Variants in SMAP1 observed in about 807,000 individuals in gnomAD.
SMAP1 encodes the protein small ArfGAP 1.
SMAP1 carries 24 observed loss-of-function variants against 58.5 expected under a neutral mutation model. The observed-to-expected ratio is 0.41, with a 90% CI of 0.30 to 0.58. The LOEUF (loss-of-function observed/expected upper bound fraction) is 0.58, where lower values mean the gene tolerates loss of function less well. Ranked by LOEUF, SMAP1 falls within the 20% of genes least tolerant of loss-of-function variation. The pLI, the probability that SMAP1 is intolerant of heterozygous loss-of-function variation, is 0.29. For synonymous variants in SMAP1, 216 were observed against 196.6 expected, an observed-to-expected ratio of 1.10 and a Z score of -0.82; for missense variants, 563 against 566.3, an observed-to-expected ratio of 0.99 and a Z score of 0.06.
intron 1 of SMAP1, among the ~76,000 whole-genome samples, chr6:70,675,156 A>C (rs1282528756): frequency 1.1e-4 from 17 of 149,686 alleles, no homozygotes; most frequent in African/African-American, 3.9e-4. Context: ...AAAAAAAAAA[A>C]GCAAATAATA....
At chr6:70,853,896 C>T (rs957401970) in intron 8 of SMAP1, among the ~76,000 whole-genome samples, 2 of 152,200 alleles carry the variant, frequency 1.3e-5, no homozygotes, top group African/African-American at 4.8e-5. Context: ...TATTTTTAGT[C>T]TAGCATTGTA....
chr6:70,835,601 G>A (rs1287736091), intron 6 of SMAP1, among the ~76,000 whole-genome samples: 1 of 152,046 alleles, frequency 6.6e-6, no homozygotes, highest in African/African-American at 2.4e-5. Context: ...TGACCTCCTG[G>A]GCTCAACCAA....
At chr6:70,701,022 G>T (rs1016049451) in intron 1 of SMAP1, among the ~76,000 whole-genome samples, 1 of 152,108 alleles carries the variant, frequency 6.6e-6, no homozygotes, top group Non-Finnish European at 1.5e-5. Flanking sequence ...AGGCAAAGTC[G>T]TCTTTACCCT....
At chr6:70,758,610 A>G (rs1304397912) in intron 3 of SMAP1, among the ~76,000 whole-genome samples, 2 of 152,110 alleles carry the variant, frequency 1.3e-5, no homozygotes, top group East Asian at 3.9e-4. Flanking sequence ...TGTAAGGAAG[A>G]ATAGTTGGAG....
intron 7 of SMAP1, among the ~76,000 whole-genome samples, chr6:70,841,640 G>A (rs761340198): frequency 1.3e-5 from 2 of 152,110 alleles, no homozygotes; most frequent in African/African-American, 2.4e-5. Flanking sequence ...GGAGAAGTAG[G>A]TAGAGATTCC....
In SMAP1 at chr6:70,860,422, T is replaced by A. The variant is rs1391012718; in HGVS notation, c.*88T>A. On this transcript the variant is annotated 3_prime_UTR_variant, in exon 11 of 11. Coordinates refer to ENST00000370455, the MANE Select transcript of SMAP1 (RefSeq NM_001044305.3). ...TTCCCCTGTTTATTCATATGCATAT[T>A]TTTTTTCTTTTTACCCATTTGTTCA... is the stretch of plus-strand genomic sequence containing the variant. The A allele has an allele frequency of 6.8e-7, 1 of 1,465,356 alleles. No homozygotes were observed. The highest frequency in any genetic ancestry group is 9.2e-7 in the Non-Finnish European group (1 of 1,092,816). 90.8% of individuals were successfully genotyped at this position (1,465,356 alleles called of 1,614,324 possible). A position where few individuals can be genotyped will look rare whatever the true frequency, so the allele number is the denominator to read the frequency against.
In SMAP1 at chr6:70,805,914, C is replaced by T. The variant is rs192467514; in HGVS notation, c.576+7177C>T. 2.0e-3 allele frequency among the ~76,000 whole-genome samples: 310 copies of T among 152,292 alleles called. 1 individual carries two copies. The highest frequency in any genetic ancestry group is 6.1e-3 in the African/African-American group (253 of 41,564). On this transcript the variant is annotated intron_variant, in intron 6 of 10. Coordinates refer to ENST00000370455, the MANE Select transcript of SMAP1 (RefSeq NM_001044305.3). ...AGGGGTACCCACCTGTGTGAGGTGT[C>T]TGTCGGCCCCTACTGGGAGGTATCT...
intron 4 of SMAP1, among the ~76,000 whole-genome samples, chr6:70,778,768 G>A (rs1027292674): frequency 6.6e-6 from 1 of 152,192 alleles, no homozygotes; most frequent in Non-Finnish European, 1.5e-5. Context: ...GGTGTTGGTG[G>A]CAGCAGCTCT....
intron 4 of SMAP1, among the ~76,000 whole-genome samples, chr6:70,782,289 A>G (rs1767795289): frequency 6.6e-6 from 1 of 152,214 alleles, no homozygotes; most frequent in African/African-American, 2.4e-5. Flanking sequence ...TGAACTTTCA[A>G]AGAACAATTA....
At chr6:70,669,296 A>G (rs545119131) in intron 1 of SMAP1, among the ~76,000 whole-genome samples, 2 of 152,320 alleles carry the variant, frequency 1.3e-5, no homozygotes, top group African/African-American at 4.8e-5. Flanking sequence ...TTACTGTTCT[A>G]TCTCAATACT....
intron 1 of SMAP1, among the ~76,000 whole-genome samples, chr6:70,707,051 G>A (rs1767869786): frequency 6.6e-6 from 1 of 152,040 alleles, no homozygotes; most frequent in Non-Finnish European, 1.5e-5. Context: ...TTTATCAATA[G>A]TTTTTATGTA....
intron 1 of SMAP1, among the ~76,000 whole-genome samples, chr6:70,673,115 A>T (rs1336886289): frequency 6.6e-6 from 1 of 152,144 alleles, no homozygotes; most frequent in African/African-American, 2.4e-5. Context: ...AAAGAGATCC[A>T]CTGTAGCTAT....
intron 3 of SMAP1, among the ~76,000 whole-genome samples, chr6:70,766,113 T>A (rs1766971968): frequency 6.6e-6 from 1 of 152,188 alleles, no homozygotes; most frequent in South Asian, 2.1e-4. Flanking sequence ...CCATGGTGTA[T>A]ATGCGCCACA....
Position 70,852,619 on chromosome 6 carries a change from G to A in SMAP1, c.744G>A (p.Pro248=), listed in dbSNP as rs148456598. The change falls in exon 8 of 11, where the codon CCG becomes CCA. Residue 248 remains proline (P), a synonymous_variant. Transcript: ENST00000370455. ...PLNDDLDIFG[P]MISNPLPATV... ...ACGATGATCTGGACATCTTTGGACC[G>A]ATGATTTCTAATCCCTTACCTGCAA... 1.7e-5 allele frequency: 27 copies of A among 1,609,842 alleles called. No individual in the cohort carries two copies. The highest frequency in any genetic ancestry group is 2.2e-5 in the South Asian group (2 of 90,092).
At chr6:70,701,177 C>T in intron 1 of SMAP1, among the ~76,000 whole-genome samples, 1 of 152,170 alleles carries the variant, frequency 6.6e-6, no homozygotes, top group East Asian at 1.9e-4. Context: ...ACCTCCTAGG[C>T]TCAAGCAATC....
intron 1 of SMAP1, among the ~76,000 whole-genome samples, chr6:70,731,162 G>C (rs942745220): frequency 1.3e-5 from 2 of 152,148 alleles, no homozygotes; most frequent in African/African-American, 2.4e-5. Context: ...CTAATTTATA[G>C]AAGTCTGTTA....
At chr6:70,816,304 G>A (rs942786842) in intron 6 of SMAP1, among the ~76,000 whole-genome samples, 5 of 152,096 alleles carry the variant, frequency 3.3e-5, no homozygotes, top group African/African-American at 4.8e-5. Context: ...CTTAAATTTC[G>A]TGATAAATAG....
chr6:70,693,298 C>CTTTTTTTTT (rs55693339), intron 1 of SMAP1, among the ~76,000 whole-genome samples: 4 of 109,628 alleles, frequency 3.6e-5, no homozygotes, highest in Admixed American at 2.0e-4. Flanking sequence ...ATGTCATCTT[C>CTTTTTTTTT]TTTTTTTTTT....
intron 2 of SMAP1, among the ~76,000 whole-genome samples, chr6:70,747,415 A>C (rs1366545562): frequency 6.6e-6 from 1 of 152,246 alleles, no homozygotes; most frequent in Non-Finnish European, 1.5e-5. Context: ...GTGTCAGAGG[A>C]GGTAAAGGTG....
Sources: allele counts gnomAD v4.1 joint callset (sites outside exome capture counted in the v4.1 genomes callset), GRCh38; gene constraint gnomAD v4.1.1; transcripts MANE v1.5; gene names NCBI Gene and HGNC (gene_info 2026-07-23, HGNC 2026-07-21).